The following GRHL2 variants were observed in gnomAD, a reference collection of about 807,000 sequenced individuals.
The protein encoded by GRHL2 is grainyhead like transcription factor 2.
A neutral mutation model predicts 83.8 loss-of-function variants in GRHL2; 21 were observed. That is an observed-to-expected ratio of 0.25 (90% CI 0.18 to 0.36). The LOEUF is 0.36. GRHL2 is among the 10% of genes least tolerant of loss of function. GRHL2 has a pLI of 1.00. For missense variants in GRHL2, 623 were observed against 781.8 expected, an observed-to-expected ratio of 0.80 and a Z score of 2.42; for synonymous variants, 280 against 278.9, an observed-to-expected ratio of 1.00 and a Z score of -0.04.
intron 14 of GRHL2, among the ~76,000 whole-genome samples, chr8:101,652,369 GTCT>G (rs1813653997): frequency 1.6e-4 from 10 of 63,508 alleles, no homozygotes; most frequent in African/African-American, 5.9e-4. Flanking sequence ...GTGTGTGTGT[GTCT>G]GATGTGTGTG....
At chr8:101,595,094 T>C (rs1408512301) in intron 7 of GRHL2, among the ~76,000 whole-genome samples, 1 of 152,196 alleles carries the variant, frequency 6.6e-6, no homozygotes, top group Non-Finnish European at 1.5e-5. Context: ...AGCCAAAAGA[T>C]CAGGGACCTA....
At chr8:101,636,255 A>G (rs576765993) in intron 11 of GRHL2, among the ~76,000 whole-genome samples, 1 of 152,296 alleles carries the variant, frequency 6.6e-6, no homozygotes, top group South Asian at 2.1e-4. Context: ...CCAACTACCT[A>G]AAGTCTGTCT....
chr8:101,573,195 G>T (rs1243922943), intron 5 of GRHL2, among the ~76,000 whole-genome samples: 1 of 144,262 alleles, frequency 6.9e-6, no homozygotes, highest in East Asian at 2.1e-4. Context: ...CATGTTTTGA[G>T]ATGTTTTATA....
At chr8:101,660,109 A>G (rs1813886819) in intron 14 of GRHL2, among the ~76,000 whole-genome samples, 1 of 152,224 alleles carries the variant, frequency 6.6e-6, no homozygotes, top group Admixed American at 6.5e-5. Flanking sequence ...TCCCACAATA[A>G]TTGCATTTTC....
At position 101,558,497 on chromosome 8, in the gene GRHL2, A is replaced by G; in HGVS notation, c.363A>G (p.Pro121=). ...GAGTGCAAGTCCTAAAGACTGTTCC[A>G]GTGAACCTTTCCCTAAATCAAGATC... ...ENRVQVLKTV[P]VNLSLNQDHL... Residue 121 remains proline (P), a synonymous_variant, in exon 4 of 16, where the codon CCA becomes CCG. Transcript: ENST00000646743. 1 of 1,614,196 alleles carries G rather than the reference A, an allele frequency of 6.2e-7. No individual in the cohort carries two copies. Among genetic ancestry groups the G allele is most frequent in the Non-Finnish European group, 8.5e-7 (1 of 1,180,030 alleles).
At chr8:101,671,448 C>G (rs1174628652), downstream of GRHL2, among the ~76,000 whole-genome samples, 1 of 152,198 alleles carries the variant, frequency 6.6e-6, no homozygotes, top group East Asian at 1.9e-4. Flanking sequence ...TGCAAGGCGG[C>G]AGCGATGCTG....
chr8:101,669,217 A>G lies in GRHL2; in HGVS notation c.*2514A>G, dbSNP rs1814148974. 1 of 146,198 alleles carries G rather than the reference A, an allele frequency of 6.8e-6. No individual in the cohort carries two copies. The highest frequency in any genetic ancestry group is 2.5e-5 in the African/African-American group (1 of 40,246). The allele number at this position is 146,198 out of a possible 1,614,324, so 9.1% of individuals were successfully genotyped here. ...ACTCAAATAAGCTTAAAAAAAATCC[A>G]TGGAAGATCATGGACATGTGAAATG... On this transcript the variant is annotated 3_prime_UTR_variant, in exon 16 of 16. Coordinates refer to ENST00000646743, the MANE Select transcript of GRHL2 (RefSeq NM_024915.4).
intron 1 of GRHL2, among the ~76,000 whole-genome samples, chr8:101,522,750 T>TATATATAC (rs1172568615): frequency 1.5e-5 from 2 of 130,384 alleles, no homozygotes; most frequent in African/African-American, 6.3e-5. Flanking sequence ...TATATATATA[T>TATATATAC]ACACACACAT....
intron 1 of GRHL2, among the ~76,000 whole-genome samples, chr8:101,531,611 G>A (rs1326795054): frequency 6.6e-6 from 1 of 152,018 alleles, no homozygotes; most frequent in Admixed American, 6.6e-5. Context: ...CATTTCATAA[G>A]TTGCCATCTC....
intron 13 of GRHL2, among the ~76,000 whole-genome samples, chr8:101,648,481 C>A (rs1813557482): frequency 6.6e-6 from 1 of 152,210 alleles, no homozygotes; most frequent in African/African-American, 2.4e-5. Flanking sequence ...TGTGTGCAGG[C>A]CCTGGGCTAA....
intron 12 of GRHL2, among the ~76,000 whole-genome samples, chr8:101,643,819 C>T (rs1813452871): frequency 6.6e-6 from 1 of 152,240 alleles, no homozygotes; most frequent in Non-Finnish European, 1.5e-5. Flanking sequence ...CAGCCCCGAT[C>T]TTGAGCAGAA....
intron 9 of GRHL2, among the ~76,000 whole-genome samples, chr8:101,623,197 T>C (rs1393275033): frequency 6.6e-6 from 1 of 152,232 alleles, no homozygotes; most frequent in African/African-American, 2.4e-5. Flanking sequence ...GCAGTAAATA[T>C]CCCTAAAGTC....
At chr8:101,597,844 G>GA (rs1290570345) in intron 7 of GRHL2, among the ~76,000 whole-genome samples, 1 of 150,936 alleles carries the variant, frequency 6.6e-6, no homozygotes, top group Non-Finnish European at 1.5e-5. Flanking sequence ...AAAAAAAAAA[G>GA]AAAAAAAGAA....
intron 1 of GRHL2, among the ~76,000 whole-genome samples, chr8:101,522,103 T>A (rs1014240509): frequency 7.9e-5 from 12 of 152,162 alleles, no homozygotes; most frequent in Admixed American, 1.3e-4. Context: ...AGATTTTTTT[T>A]AAATATATAT....
At chr8:101,603,280 T>C (rs541825301) in intron 8 of GRHL2, among the ~76,000 whole-genome samples, 3 of 152,202 alleles carry the variant, frequency 2.0e-5, no homozygotes, top group Non-Finnish European at 4.4e-5. Context: ...CTTCCCAAGA[T>C]GATTATGTTA....
chr8:101,586,473 C>T lies in GRHL2; in HGVS notation c.1003+8954C>T, dbSNP rs535996988. Among the ~76,000 whole-genome samples, 241 of 152,284 alleles carry T rather than the reference C, an allele frequency of 1.6e-3. 1 individual carries two copies. The Middle Eastern group carries it at 0.017, about 11-fold the overall frequency. ...CATCTCACACCTTGAGACCTTGTTC[C>T]CTGTCCCCACTTGGGTAAGATCTTC... On this transcript the variant is annotated intron_variant, in intron 7 of 15. Coordinates refer to ENST00000646743, the MANE Select transcript of GRHL2 (RefSeq NM_024915.4).
chr8:101,645,542 G>A (rs1375053176), intron 13 of GRHL2, among the ~76,000 whole-genome samples: 1 of 152,080 alleles, frequency 6.6e-6, no homozygotes, highest in African/African-American at 2.4e-5. Flanking sequence ...CCCGTCTGTA[G>A]CCTGCCACAG....
rs1586087673 is a variant in GRHL2 at position 101,552,663 on chromosome 8, T to C, written c.217-52T>C. ...TTATGCCGGTGTCCAGCTCTGAACA[T>C]GGTCATGGTTGCCTCTGTGTATGTC... On this transcript the variant is annotated intron_variant, in intron 2 of 15. Transcript: ENST00000646743. 8 of 1,545,700 alleles carry C rather than the reference T, an allele frequency of 5.2e-6. No individual in the cohort carries two copies. The South Asian group carries it at 8.9e-5, about 17-fold the overall frequency.
chr8:101,562,531 A>G, intron 4 of GRHL2: 1 of 254,690 alleles, frequency 3.9e-6, no homozygotes, highest in South Asian at 7.7e-5. Context: ...ACCAAGCTTG[A>G]GAGGTGATGT....
Sources: allele counts gnomAD v4.1 joint callset (sites outside exome capture counted in the v4.1 genomes callset), GRCh38; gene constraint gnomAD v4.1.1; transcripts MANE v1.5; gene names NCBI Gene and HGNC (gene_info 2026-07-23, HGNC 2026-07-21).